Variants in BTRC observed in about 807,000 individuals in gnomAD.
BTRC encodes beta-transducin repeat containing E3 ubiquitin protein ligase.
A neutral mutation model predicts 85.5 loss-of-function variants in BTRC; 42 were observed. The observed-to-expected ratio is 0.49, with a 90% CI of 0.38 to 0.64. BTRC has a LOEUF of 0.64. Ranked by LOEUF, BTRC falls within the 30% of genes least tolerant of loss-of-function variation. BTRC has a pLI of 0.00. For synonymous variants in BTRC, 255 were observed against 263.3 expected, an observed-to-expected ratio of 0.97 and a Z score of 0.30; for missense variants, 594 against 743.5, an observed-to-expected ratio of 0.80 and a Z score of 2.34.
At chr10:101,417,239 T>A (rs1487049123) in intron 1 of BTRC, among the ~76,000 whole-genome samples, 14 of 152,230 alleles carry the variant, frequency 9.2e-5, no homozygotes, top group Admixed American at 9.2e-4. Flanking sequence ...AGAATAAATA[T>A]CTAGTTCAGG....
chr10:101,508,611 T>C lies in BTRC; in HGVS notation c.325-13028T>C, dbSNP rs192114470. Reference sequence around the variant, plus strand: ...CTACTCCTTTGATCACTGAGAGTTATAAAGTTTAAGAACTAAAAGTAGGCT... The same window carrying C: ...CTACTCCTTTGATCACTGAGAGTTACAAAGTTTAAGAACTAAAAGTAGGCT... On this transcript the variant is annotated intron_variant, in intron 4 of 14. Coordinates refer to ENST00000370187, the MANE Select transcript of BTRC (RefSeq NM_033637.4). Among the ~76,000 whole-genome samples, 322 of 152,268 alleles carry C rather than the reference T, an allele frequency of 2.1e-3. 3 individuals carry two copies. The highest frequency in any genetic ancestry group is 7.2e-3 in the African/African-American group (299 of 41,544).
intron 2 of BTRC, among the ~76,000 whole-genome samples, chr10:101,432,680 T>G (rs2134087363): frequency 6.6e-6 from 1 of 152,266 alleles, no homozygotes; most frequent in East Asian, 1.9e-4. Context: ...GGACTTAGAA[T>G]TCACTGAAAA....
At chr10:101,404,274 C>T (rs1025601913) in intron 1 of BTRC, among the ~76,000 whole-genome samples, 22 of 151,440 alleles carry the variant, frequency 1.5e-4, no homozygotes, top group African/African-American at 5.3e-4. Context: ...TTATGATCCG[C>T]CCTCCTCGGC....
At chr10:101,432,701 C>T (rs1263588029) in intron 2 of BTRC, among the ~76,000 whole-genome samples, 1 of 152,142 alleles carries the variant, frequency 6.6e-6, no homozygotes, top group African/African-American at 2.4e-5. Context: ...CAATTATACT[C>T]ACAGTTTATT....
chr10:101,389,895 G>T (rs758656060), intron 1 of BTRC, among the ~76,000 whole-genome samples: 2 of 152,130 alleles, frequency 1.3e-5, no homozygotes. Flanking sequence ...AAAGTGTTGA[G>T]ATTATAGGTA....
chr10:101,368,635 ACAGT>A (rs1942545006), intron 1 of BTRC, among the ~76,000 whole-genome samples: 1 of 151,882 alleles, frequency 6.6e-6, no homozygotes, highest in East Asian at 1.9e-4. Flanking sequence ...ATGTGCCACC[ACAGT>A]CAGCCAATGT....
intron 14 of BTRC, among the ~76,000 whole-genome samples, chr10:101,551,949 C>T (rs78290424): frequency 0.017 from 2,652 of 152,168 alleles, 73 homozygotes; most frequent in East Asian, 0.063. Context: ...AGCACAGTGG[C>T]GAATACATAA....
intron 3 of BTRC, among the ~76,000 whole-genome samples, chr10:101,472,590 G>A (rs1456044960): frequency 2.0e-5 from 3 of 152,196 alleles, no homozygotes; most frequent in East Asian, 3.9e-4. Flanking sequence ...AAGGTTGGGT[G>A]GATCACCTGA....
intron 5 of BTRC, 47 bp downstream of exon 5, chr10:101,521,917 G>C (rs1193441637): frequency 1.4e-6 from 2 of 1,404,976 alleles, no homozygotes; most frequent in Non-Finnish European, 2.0e-6. Flanking sequence ...ATGATGATAA[G>C]AGAACTAGAT....
Position 101,485,403 on chromosome 10 carries a change from G to A in BTRC, c.324+5946G>A, listed in dbSNP as rs538654138. Among the ~76,000 whole-genome samples the A allele has an allele frequency of 2.6e-5, 4 of 152,304 alleles. No homozygotes were observed. The South Asian group carries it at 8.3e-4, about 32-fold the overall frequency. The stretch of plus-strand genomic sequence containing the variant: ...CTGTTTTTAAGCCTGAAGTCCAGCC[G>A]CATTGATTAGGCACGTTGGCCATCA... On this transcript the variant is annotated intron_variant, in intron 4 of 14. Coordinates refer to ENST00000370187, the MANE Select transcript of BTRC (RefSeq NM_033637.4).
chr10:101,410,233 G>A (rs1943739228), intron 1 of BTRC, among the ~76,000 whole-genome samples: 1 of 152,208 alleles, frequency 6.6e-6, no homozygotes, highest in Admixed American at 6.5e-5. Flanking sequence ...GCTTTCTTTA[G>A]TTCTTTTTTT....
intron 4 of BTRC, among the ~76,000 whole-genome samples, chr10:101,488,210 C>G (rs1290471389): frequency 6.6e-6 from 1 of 152,154 alleles, no homozygotes; most frequent in Non-Finnish European, 1.5e-5. Context: ...TGGAGCATTT[C>G]TGTCACTTTG....
At chr10:101,369,173 G>T (rs1198569754) in intron 1 of BTRC, among the ~76,000 whole-genome samples, 1 of 151,812 alleles carries the variant, frequency 6.6e-6, no homozygotes, top group Admixed American at 6.6e-5. Flanking sequence ...TTTTGTTGAA[G>T]TGTTTATTCA....
intron 1 of BTRC, among the ~76,000 whole-genome samples, chr10:101,400,125 A>T (rs1943458967): frequency 6.6e-6 from 1 of 152,338 alleles, no homozygotes; most frequent in Non-Finnish European, 1.5e-5. Context: ...ACCAGGGAAC[A>T]TGACACTTGG....
At position 101,534,810 on chromosome 10, in the gene BTRC, T is replaced by A. The variant is rs760613122; in HGVS notation, c.1247T>A (p.Ile416Asn). 7 of 1,614,028 alleles carry A rather than the reference T, an allele frequency of 4.3e-6. No individual in the cohort carries two copies. The highest frequency in any genetic ancestry group is 1.7e-5 in the Admixed American group (1 of 59,998). The change falls in exon 10 of 15, where the codon ATT becomes AAT. Residue 416 changes from isoleucine (I) to asparagine (N), a missense_variant. By Grantham distance (149) the Ile-to-Asn change is moderately radical. Coordinates refer to ENST00000370187, the MANE Select transcript of BTRC (RefSeq NM_033637.4). ...AVWDMASPTDITLRRVLVGHR... is the reference protein window; with the variant it reads ...AVWDMASPTDNTLRRVLVGHR... ...TGGGATATGGCCTCCCCAACTGACA[T>A]TACCCTCCGGAGGGTGCTGGTCGGA...
At position 101,354,174 on chromosome 10, in the gene BTRC, G is replaced by C. The variant is rs762766101; in HGVS notation, c.-7G>C. 1.9e-6 allele frequency: 3 copies of C among 1,549,048 alleles called. No homozygotes were observed. The South Asian group carries it at 3.6e-5, about 18-fold the overall frequency. On this transcript the variant is annotated 5_prime_UTR_variant, in exon 1 of 15. Transcript: ENST00000370187. ...GGCGGAGAGCGGACCCAGTGGCCTC[G>C]GCGATTATGGACCCGGCCGAGGCGG...
At chr10:101,390,352 T>C (rs1297107868) in intron 1 of BTRC, among the ~76,000 whole-genome samples, 10 of 137,546 alleles carry the variant, frequency 7.3e-5, no homozygotes, top group Non-Finnish European at 1.2e-4. Flanking sequence ...TTTTTTTTTT[T>C]TCCGAGACGG....
chr10:101,531,398 A>G (rs1035444121), intron 7 of BTRC, 65 bp downstream of exon 7: 1 of 1,266,422 alleles, frequency 7.9e-7, no homozygotes, highest in East Asian at 2.4e-5. Flanking sequence ...CTTCAGTCAC[A>G]GTATGGTTAC....
chr10:101,381,852 C>G (rs1942936777), intron 1 of BTRC, among the ~76,000 whole-genome samples: 1 of 151,100 alleles, frequency 6.6e-6, no homozygotes, highest in Non-Finnish European at 1.5e-5. Flanking sequence ...CATCCTTATT[C>G]CTAACCTCAA....
Sources: gnomAD v4.1 joint callset for allele counts (sites outside exome capture counted in the v4.1 genomes callset) on GRCh38, gnomAD v4.1.1 for gene constraint, MANE v1.5 for transcripts, NCBI Gene and HGNC (gene_info 2026-07-23, HGNC 2026-07-21) for gene names.